The following RPS11 variants were observed in gnomAD, a reference collection of about 807,000 sequenced individuals.
The protein encoded by RPS11 is ribosomal protein S11, also known as small ribosomal subunit protein uS17.
For missense variants in RPS11, 127 were observed against 211.4 expected, an observed-to-expected ratio of 0.60 and a Z score of 2.48; for synonymous variants, 107 against 78.0, an observed-to-expected ratio of 1.37 and a Z score of -1.96.
Position 49,499,660 on chromosome 19 carries a change from C to T in RPS11, c.*25C>T. On this transcript the variant is annotated 3_prime_UTR_variant, in exon 5 of 5. Transcript: ENST00000270625. Reference sequence around the variant, plus strand: ...AGGCTGGACATCGGCCCGCTCCCCACAATGAAATAAAGTTATTTTCTCATT... The same window carrying T: ...AGGCTGGACATCGGCCCGCTCCCCATAATGAAATAAAGTTATTTTCTCATT... 6.2e-7 allele frequency: 1 copy of T among 1,608,298 alleles called. No homozygotes were observed. The highest frequency in any genetic ancestry group is 8.5e-7 in the Non-Finnish European group (1 of 1,176,528).
At chr19:49,497,450 G>T in intron 2 of RPS11, 70 bp from the exon 3 acceptor site, 2 of 1,595,066 alleles carry the variant, frequency 1.3e-6, no homozygotes, top group Admixed American at 1.7e-5. Flanking sequence ...CTTCCCTGAG[G>T]CCACGCCCCT....
At chr19:49,497,704 T>C (rs1016350901) in intron 3 of RPS11, 109 bp downstream of exon 3, 3 of 1,174,306 alleles carry the variant, frequency 2.6e-6, no homozygotes, top group Non-Finnish European at 3.8e-6. Context: ...TGCAAACTTG[T>C]AGGTCCAGGT....
chr19:49,498,063 A>G lies in RPS11; in HGVS notation c.353+17A>G, dbSNP rs978946018. ...CTGCTTCAGGTGAGCGCAGTGGCCC[A>G]TCAGGTTGCTCAGGCCACGCTCTCT... On this transcript the variant is annotated intron_variant, in intron 4 of 4. Transcript: ENST00000270625. 4 of 1,611,840 alleles carry G rather than the reference A, an allele frequency of 2.5e-6. No homozygotes were observed. The South Asian group carries it at 3.3e-5, about 13-fold the overall frequency.
At chr19:49,497,830 C>G in intron 3 of RPS11, 87 bp from the exon 4 acceptor site, 1 of 1,577,192 alleles carries the variant, frequency 6.3e-7, no homozygotes, top group Non-Finnish European at 8.7e-7. Context: ...GATCCCTGCT[C>G]AGCTGCTTCT....
chr19:49,498,191 A>G (rs1055827647), intron 4 of RPS11, 145 bp downstream of exon 4: 8 of 858,022 alleles, frequency 9.3e-6, no homozygotes, highest in South Asian at 3.0e-5. Context: ...TTTGTATATC[A>G]TATGTTCTTC....
Position 49,497,603 on chromosome 19 carries a change from CGGGAGTTACTGGTGTCTG to C in RPS11, c.223+12_223+29del, listed in dbSNP as rs772235441. ...GAGGGCGGATCCTCTCTGGTAAGTG[CGGGAGTTACTGGTGTCTG>C]GGGCCTGAAATACTGAAAGAAGGGT... On this transcript the variant is annotated intron_variant, in intron 3 of 4. Transcript: ENST00000270625. The C allele has an allele frequency of 6.2e-7, 1 of 1,611,690 alleles. No homozygotes were observed.
In RPS11 at chr19:49,496,475, C is replaced by T. The variant is rs778869923; in HGVS notation, c.15+4C>T. 32 of 1,610,486 alleles carry T rather than the reference C, an allele frequency of 2.0e-5. No individual in the cohort carries two copies. Among genetic ancestry groups the T allele is most frequent in the Middle Eastern group, 1.6e-4 (1 of 6,062 alleles). ...CGGGAAGATGGCGGACATTCAGGTG[C>T]GGACTCGGGGTTGGATGCCAGGGTG... On this transcript the variant is annotated splice_donor_region_variant and intron_variant, in intron 1 of 4. Transcript: ENST00000270625.
At chr19:49,497,451 C>T in intron 2 of RPS11, 69 bp from the exon 3 acceptor site, 3 of 1,592,276 alleles carry the variant, frequency 1.9e-6, no homozygotes, top group Non-Finnish European at 2.6e-6. Context: ...TTCCCTGAGG[C>T]CACGCCCCTG....
intron 4 of RPS11, 168 bp downstream of exon 4, chr19:49,498,214 T>C: frequency 1.4e-6 from 1 of 699,778 alleles, no homozygotes; most frequent in East Asian, 2.8e-5. Flanking sequence ...AATCAAAGCG[T>C]TCTACAGGGT....
chr19:49,498,248 G>A (rs1358170999), intron 4 of RPS11: 1 of 596,998 alleles, frequency 1.7e-6, no homozygotes, highest in African/African-American at 1.9e-5. Context: ...TGAAATGCTT[G>A]GAACCAGATT....
rs2079915680 is a variant in RPS11, at chr19:49,497,977, A to G, written c.284A>G (p.Tyr95Cys). 2 of 1,613,954 alleles carry G rather than the reference A, an allele frequency of 1.2e-6. No individual in the cohort carries two copies. Among genetic ancestry groups the G allele is most frequent in the African/African-American group, 2.7e-5 (2 of 74,902 alleles). ...TIVIRRDYLH[Y>C]IRKYNRFEKR... ...GTCATCCGCCGAGACTATCTGCACT[A>G]CATCCGCAAGTACAACCGCTTCGAG... Residue 95 changes from tyrosine (Y) to cysteine (C), a missense_variant, in exon 4 of 5, where the codon TAC becomes TGC. Physicochemically the swap from Tyr to Cys is radical, Grantham distance 194. Coordinates refer to ENST00000270625, the MANE Select transcript of RPS11 (RefSeq NM_001015.5).
In RPS11 at chr19:49,498,056, G is replaced by A; in HGVS notation, c.353+10G>A. 6.2e-7 allele frequency: 1 copy of A among 1,612,094 alleles called. No individual in the cohort carries two copies. The highest frequency in any genetic ancestry group is 8.5e-7 in the Non-Finnish European group (1 of 1,179,984). ...TGTCCCCCTGCTTCAGGTGAGCGCAGTGGCCCATCAGGTTGCTCAGGCCAC... is the reference window on the plus strand; with the variant it reads ...TGTCCCCCTGCTTCAGGTGAGCGCAATGGCCCATCAGGTTGCTCAGGCCAC... On this transcript the variant is annotated intron_variant, in intron 4 of 4. Coordinates refer to ENST00000270625, the MANE Select transcript of RPS11 (RefSeq NM_001015.5).
chr19:49,498,761 C>A (rs2079920216), intron 4 of RPS11, among the ~76,000 whole-genome samples: 1 of 152,074 alleles, frequency 6.6e-6, no homozygotes, highest in South Asian at 2.1e-4. Flanking sequence ...CCCACACACA[C>A]ACAAATTCAG....
chr19:49,496,727 T>C (rs1164871831), intron 1 of RPS11, among the ~76,000 whole-genome samples: 1 of 152,036 alleles, frequency 6.6e-6, no homozygotes, highest in Non-Finnish European at 1.5e-5. Context: ...TTTAAGAAGG[T>C]TTTTTTGGAG....
Position 49,497,954 on chromosome 19 carries a change from C to A in RPS11, c.261C>A (p.Val87=). The A allele has an allele frequency of 6.2e-7, 1 of 1,614,162 alleles. No homozygotes were observed. Among genetic ancestry groups the A allele is most frequent in the South Asian group, 1.1e-5 (1 of 91,060 alleles). The part of the protein sequence containing the change: ...VTKMKMQRTI[V]IRRDYLHYIR... ...AGATGAAGATGCAGAGGACCATTGT[C>A]ATCCGCCGAGACTATCTGCACTACA... Residue 87 remains valine, a synonymous_variant, in exon 4 of 5, where the codon GTC becomes GTA. Transcript: ENST00000270625.
chr19:49,499,471 G>C, intron 4 of RPS11, 41 bp from the exon 5 acceptor site: 1 of 1,594,730 alleles, frequency 6.3e-7, no homozygotes, highest in Non-Finnish European at 8.6e-7. Context: ...GGTCTGCTGG[G>C]GTGGCCCCTC....
chr19:49,497,408 G>C lies in RPS11; in HGVS notation c.147+83G>C. The C allele has an allele frequency of 5.6e-6, 9 of 1,603,414 alleles. No individual in the cohort carries two copies. The South Asian group carries it at 8.8e-5, about 16-fold the overall frequency. On this transcript the variant is annotated intron_variant, in intron 2 of 4. Coordinates refer to ENST00000270625, the MANE Select transcript of RPS11 (RefSeq NM_001015.5). ...GACGAGTTGCCCTGCCTGCATCTAA[G>C]TGGCTTCTGGGGCTGCTGGGAATTG...
At chr19:49,499,471 G>A in intron 4 of RPS11, 41 bp from the exon 5 acceptor site, 1 of 1,594,730 alleles carries the variant, frequency 6.3e-7, no homozygotes, top group Non-Finnish European at 8.6e-7. Context: ...GGTCTGCTGG[G>A]GTGGCCCCTC....
intron 4 of RPS11, among the ~76,000 whole-genome samples, chr19:49,498,760 A>T (rs1360271317): frequency 1.3e-5 from 2 of 152,180 alleles, no homozygotes; most frequent in Non-Finnish European, 2.9e-5. Context: ...TCCCACACAC[A>T]CACAAATTCA....
Sources: allele counts gnomAD v4.1 joint callset (sites outside exome capture counted in the v4.1 genomes callset), GRCh38; gene constraint gnomAD v4.1.1; transcripts MANE v1.5; gene names NCBI Gene and HGNC (gene_info 2026-07-23, HGNC 2026-07-21).